KCTD16: variants seen among roughly 807,000 people sequenced by gnomAD.
KCTD16 encodes the protein BTB/POZ domain-containing protein KCTD16.
Under a neutral mutation model 33.2 loss-of-function variants are expected in KCTD16, and 13 were observed. The ratio of observed to expected loss-of-function variants is 0.39; its 90% CI spans 0.25 to 0.62. The LOEUF (loss-of-function observed/expected upper bound fraction) is 0.62, where lower values mean the gene tolerates loss of function less well. Ranked by LOEUF, KCTD16 falls within the 20% of genes least tolerant of loss-of-function variation. The pLI is 0.50. For synonymous variants in KCTD16, 197 were observed against 195.3 expected (o/e 1.01, Z -0.07); for missense variants, 441 against 525.1 (o/e 0.84, Z 1.57).
chr5:144,277,278 ATGC>A (rs774301070), intron 3 of KCTD16, among the ~76,000 whole-genome samples: 16 of 152,294 alleles, frequency 1.1e-4, no homozygotes, highest in Admixed American at 5.9e-4. Context: ...AAATAGCTCA[ATGC>A]TGCTGCTGAT....
At chr5:144,223,378 A>G (rs1202674740) in intron 3 of KCTD16, among the ~76,000 whole-genome samples, 1 of 152,176 alleles carries the variant, frequency 6.6e-6, no homozygotes, top group Non-Finnish European at 1.5e-5. Flanking sequence ...AAGTAACAAA[A>G]CACAGATATG....
At chr5:144,263,185 A>G (rs1755057722) in intron 3 of KCTD16, among the ~76,000 whole-genome samples, 1 of 152,236 alleles carries the variant, frequency 6.6e-6, no homozygotes, top group African/African-American at 2.4e-5. Flanking sequence ...GGAGGCTTTT[A>G]TAAGACAATA....
intron 3 of KCTD16, among the ~76,000 whole-genome samples, chr5:144,427,860 C>G (rs1753369150): frequency 6.6e-6 from 1 of 152,066 alleles, no homozygotes; most frequent in South Asian, 2.1e-4. Context: ...AAAGGTTACT[C>G]CATTTCCTAG....
At chr5:144,375,411 C>T (rs1361693281) in intron 3 of KCTD16, among the ~76,000 whole-genome samples, 3 of 152,156 alleles carry the variant, frequency 2.0e-5, no homozygotes, top group Non-Finnish European at 4.4e-5. Context: ...ATCTAGTTCT[C>T]ATCTATGAAA....
intron 3 of KCTD16, among the ~76,000 whole-genome samples, chr5:144,463,046 A>C (rs1754238631): frequency 6.6e-6 from 1 of 152,190 alleles, no homozygotes; most frequent in African/African-American, 2.4e-5. Flanking sequence ...CTCTTTTAAA[A>C]ATTCTACTGC....
intron 3 of KCTD16, among the ~76,000 whole-genome samples, chr5:144,466,081 C>T (rs1017534490): frequency 2.0e-5 from 3 of 152,084 alleles, no homozygotes; most frequent in African/African-American, 7.2e-5. Flanking sequence ...TCAGGTGATC[C>T]TCCTGCCTTG....
chr5:144,344,292 G>A (rs1274523032), intron 3 of KCTD16, among the ~76,000 whole-genome samples: 1 of 151,554 alleles, frequency 6.6e-6, no homozygotes, highest in Non-Finnish European at 1.5e-5. Flanking sequence ...TCAGGACATA[G>A]GCATGGGCAA....
At chr5:144,419,116 C>T (rs1014509050) in intron 3 of KCTD16, among the ~76,000 whole-genome samples, 4 of 152,158 alleles carry the variant, frequency 2.6e-5, no homozygotes, top group African/African-American at 7.2e-5. Flanking sequence ...ACTACTCTTA[C>T]GATCTTGGTA....
intron 3 of KCTD16, among the ~76,000 whole-genome samples, chr5:144,265,035 G>C (rs1184134798): frequency 6.6e-6 from 1 of 152,134 alleles, no homozygotes; most frequent in African/African-American, 2.4e-5. Context: ...CTAGCTGTTA[G>C]CAATCTTAAC....
At chr5:144,342,563 C>G (rs1045401743) in intron 3 of KCTD16, among the ~76,000 whole-genome samples, 4 of 152,124 alleles carry the variant, frequency 2.6e-5, no homozygotes, top group African/African-American at 9.7e-5. Flanking sequence ...AACTGAATAC[C>G]CTTTATTTCC....
chr5:144,207,603 AT>A (rs1753228051), intron 3 of KCTD16, 57 bp downstream of exon 3: 2 of 1,260,274 alleles, frequency 1.6e-6, no homozygotes, highest in Non-Finnish European at 2.3e-6. Context: ...TCACAAATGT[AT>A]ATGGTCTGTG....
At chr5:144,294,010 C>T (rs1277775296) in intron 3 of KCTD16, among the ~76,000 whole-genome samples, 2 of 151,926 alleles carry the variant, frequency 1.3e-5, no homozygotes, top group Non-Finnish European at 2.9e-5. Context: ...AATACAAAAA[C>T]TAGCCAGGTG....
intron 3 of KCTD16, among the ~76,000 whole-genome samples, chr5:144,442,450 C>CTTCTTTCTTTCT (rs138864208): frequency 0.061 from 8,948 of 147,802 alleles, 326 homozygotes; most frequent in Non-Finnish European, 0.083. Context: ...TCTTTTCTTT[C>CTTCTTTCTTTCT]TTCTTTCTTT....
intron 3 of KCTD16, among the ~76,000 whole-genome samples, chr5:144,301,047 C>G (rs1751424679): frequency 6.6e-6 from 1 of 151,990 alleles, no homozygotes; most frequent in Non-Finnish European, 1.5e-5. Context: ...TCGAGACCAT[C>G]CAGGCCAACA....
chr5:144,275,139 A>C (rs1372128808), intron 3 of KCTD16, among the ~76,000 whole-genome samples: 1 of 151,594 alleles, frequency 6.6e-6, no homozygotes, highest in Non-Finnish European at 1.5e-5. Flanking sequence ...AAAATGGAGA[A>C]ACATAATACA....
chr5:144,238,171 G>A (rs1258178361), intron 3 of KCTD16, among the ~76,000 whole-genome samples: 1 of 152,146 alleles, frequency 6.6e-6, no homozygotes, highest in Non-Finnish European at 1.5e-5. Context: ...GAGAGAAGGA[G>A]ATATTTTTGC....
chr5:144,424,317 A>G (rs1033417593), intron 3 of KCTD16, among the ~76,000 whole-genome samples: 1 of 152,198 alleles, frequency 6.6e-6, no homozygotes, highest in African/African-American at 2.4e-5. Flanking sequence ...TAGTTTTTAC[A>G]ATTGTCAATT....
rs148288237 is a variant in KCTD16, at chr5:144,341,638, A to T, written c.833-132022A>T. On this transcript the variant is annotated intron_variant, in intron 3 of 3. Transcript: ENST00000512467. ...GTTTTTGATTTTAAAAAGTAGAACC[A>T]TTTGCACAAGTTCACCGATTCCCAA... is the stretch of plus-strand genomic sequence containing the variant. Among the ~76,000 whole-genome samples, 1,116 of 152,332 alleles carry T rather than the reference A, an allele frequency of 7.3e-3. 7 individuals carry two copies. The highest frequency in any genetic ancestry group is 0.012 in the Admixed American group (176 of 15,294).
chr5:144,224,933 G>A (rs1382403475), intron 3 of KCTD16, among the ~76,000 whole-genome samples: 2 of 152,112 alleles, frequency 1.3e-5, no homozygotes, highest in Non-Finnish European at 1.5e-5. Context: ...TTTCCGTATA[G>A]TAGAACCTAG....
Sources: allele counts gnomAD v4.1 joint callset (sites outside exome capture counted in the v4.1 genomes callset), GRCh38; gene constraint gnomAD v4.1.1; transcripts MANE v1.5; gene names NCBI Gene and HGNC (gene_info 2026-07-23, HGNC 2026-07-21).